Variants in STAB1 observed in about 807,000 individuals in gnomAD.
STAB1 encodes the protein stabilin-1.
STAB1 carries 250 observed loss-of-function variants against 332.4 expected under a neutral mutation model. The observed-to-expected ratio is 0.75, with a 90% confidence interval of 0.68 to 0.84. The LOEUF (loss-of-function observed/expected upper bound fraction) is 0.84. Ranked by LOEUF, STAB1 falls within the 40% of genes least tolerant of loss-of-function variation. The probability of loss-of-function intolerance (pLI) is 0.00; values close to 1 mark genes in which losing one functional copy is unlikely to be tolerated. For synonymous variants in STAB1, 1,475 were observed against 1,390.4 expected (o/e 1.06, Z -1.35); for missense variants, 3,249 against 3,489.7 (o/e 0.93, Z 1.74).
chr3:52,521,942 G>T lies in STAB1; in HGVS notation c.6262G>T (p.Val2088Leu). 1.2e-6 allele frequency: 2 copies of T among 1,608,404 alleles called. No individual in the cohort carries two copies. Among genetic ancestry groups the T allele is most frequent in the Non-Finnish European group, 8.5e-7 (1 of 1,176,378 alleles). Residue 2088 changes from valine to leucine, a missense_variant, in exon 58 of 69, where the codon GTG becomes TTG. Coordinates refer to ENST00000321725, the MANE Select transcript of STAB1 (RefSeq NM_015136.3). ...CSLGYEGDGR[V>L]CTVADLCQDG... ...CCTGGGCTATGAAGGGGATGGCCGT[G>T]TGTGTACAGGTAAGCAGATGGGCGG...
At chr3:52,505,542 C>T in intron 14 of STAB1, 126 bp from the exon 15 acceptor site, 1 of 1,179,526 alleles carries the variant, frequency 8.5e-7, no homozygotes, top group Non-Finnish European at 1.2e-6. Context: ...TAGCATGGAC[C>T]CATTGCCCAT....
At chr3:52,508,224 G>A (rs1396978128) in intron 20 of STAB1, 49 bp from the exon 21 acceptor site, 3 of 1,554,944 alleles carry the variant, frequency 1.9e-6, no homozygotes, top group South Asian at 2.3e-5. Context: ...GCCTGGGCAG[G>A]GAGGGCATGG....
At chr3:52,505,415 G>A in intron 14 of STAB1, 34 bp downstream of exon 14, 1 of 1,592,978 alleles carries the variant, frequency 6.3e-7, no homozygotes, top group Non-Finnish European at 8.6e-7. Flanking sequence ...GCCCATGTGG[G>A]CTTCTGGGCT....
intron 25 of STAB1, among the ~76,000 whole-genome samples, chr3:52,511,282 G>A (rs1413522960): frequency 6.6e-6 from 1 of 152,208 alleles, no homozygotes; most frequent in Non-Finnish European, 1.5e-5. Flanking sequence ...AGGGTGGCAG[G>A]GGTGGAGGTG....
intron 25 of STAB1, 35 bp from the exon 26 acceptor site, chr3:52,511,615 C>G: frequency 1.3e-6 from 2 of 1,574,756 alleles, no homozygotes; most frequent in Non-Finnish European, 8.7e-7. Context: ...GGATGCTCAT[C>G]ATGAGACAAG....
At chr3:52,516,282 G>A (rs1464109750) in intron 38 of STAB1, 44 bp downstream of exon 38, 11 of 1,607,352 alleles carry the variant, frequency 6.8e-6, no homozygotes, top group East Asian at 6.7e-5. Flanking sequence ...TGGCAGCAGA[G>A]AGCAGCCTGG....
chr3:52,513,742 T>G lies in STAB1; in HGVS notation c.3296T>G (p.Val1099Gly). ...AGGGTCTGGGTGCAGAATGCCAGCG[T>G]GGATGTGGCTGACCTCCTTGCCACC... Reference protein sequence around the residue: ...SGRVWVQNASVDVADLLATNG... With the variant: ...SGRVWVQNASGDVADLLATNG... Residue 1099 changes from valine to glycine, a missense_variant, in exon 31 of 69, where the codon GTG (valine) becomes GGG (glycine). Physicochemically the swap from Val to Gly is moderately radical, Grantham distance 109. Coordinates refer to ENST00000321725, the MANE Select transcript of STAB1 (RefSeq NM_015136.3). 6.2e-7 allele frequency: 1 copy of G among 1,613,446 alleles called. No individual in the cohort carries two copies. The highest frequency in any genetic ancestry group is 8.5e-7 in the Non-Finnish European group (1 of 1,179,996).
In STAB1 at chr3:52,524,093, C is replaced by G; in HGVS notation, c.7543-7C>G. ...CGCCTCGCCACTCACCCCTCTGCTGCTCCCAGGCGGAAGATGATGCTGATG... is the reference window on the plus strand; with the variant it reads ...CGCCTCGCCACTCACCCCTCTGCTGGTCCCAGGCGGAAGATGATGCTGATG... On this transcript the variant is annotated splice_region_variant and splice_polypyrimidine_tract_variant and intron_variant, in intron 67 of 68. Transcript: ENST00000321725. 6.2e-7 allele frequency: 1 copy of G among 1,613,368 alleles called. No homozygotes were observed. Among genetic ancestry groups the G allele is most frequent in the Non-Finnish European group, 8.5e-7 (1 of 1,180,022 alleles).
At chr3:52,518,236 G>A in intron 45 of STAB1, 76 bp from the exon 46 acceptor site, 1 of 1,597,874 alleles carries the variant, frequency 6.3e-7, no homozygotes, top group Non-Finnish European at 8.6e-7. Context: ...CTAGACCTTG[G>A]GCCGCAGGTG....
chr3:52,511,625 G>A (rs756674204), intron 25 of STAB1, 25 bp from the exon 26 acceptor site: 2 of 1,591,870 alleles, frequency 1.3e-6, no homozygotes, highest in South Asian at 1.1e-5. Context: ...CATGAGACAA[G>A]GCCGTCTGTT....
At chr3:52,507,820 A>G (rs535703705) in intron 19 of STAB1, 111 bp from the exon 20 acceptor site, 2 of 1,447,976 alleles carry the variant, frequency 1.4e-6, no homozygotes, top group Non-Finnish European at 1.9e-6. Context: ...CCACTGGACC[A>G]GGGTTAGAGT....
chr3:52,516,930 C>A, intron 41 of STAB1, 54 bp from the exon 42 acceptor site: 2 of 1,607,014 alleles, frequency 1.2e-6, no homozygotes, highest in Non-Finnish European at 1.7e-6. Context: ...CCTCTCCTGT[C>A]CTGCCTCCGG....
chr3:52,500,828 T>C (rs1708392460), intron 1 of STAB1, among the ~76,000 whole-genome samples: 1 of 152,200 alleles, frequency 6.6e-6, no homozygotes, highest in Admixed American at 6.5e-5. Context: ...TGAAATGGGC[T>C]TGGGGGAGCA....
Position 52,522,619 on chromosome 3 carries a change from G to C in STAB1, c.6675G>C (p.Glu2225Asp), listed in dbSNP as rs2079112458. Residue 2225 changes from glutamate to aspartate, a missense_variant, in exon 61 of 69, where the codon GAG becomes GAC. By Grantham distance (45) the Glu-to-Asp change is conservative (BLOSUM62 2). Coordinates refer to ENST00000321725, the MANE Select transcript of STAB1 (RefSeq NM_015136.3). ...TSGPYGLNFS[E>D]AEAACEAQGA... Reference sequence around the variant, plus strand: ...GCCCTTATGGTCTGAACTTTTCGGAGGCTGAGGCGGCATGCGAAGCACAGG... The same window carrying C: ...GCCCTTATGGTCTGAACTTTTCGGACGCTGAGGCGGCATGCGAAGCACAGG... 1.9e-6 allele frequency: 3 copies of C among 1,612,988 alleles called. No individual in the cohort carries two copies. Among genetic ancestry groups the C allele is most frequent in the Non-Finnish European group, 2.5e-6 (3 of 1,180,036 alleles).
At chr3:52,518,386 A>G (rs1347801515) in intron 46 of STAB1, 27 bp downstream of exon 46, 1 of 1,608,920 alleles carries the variant, frequency 6.2e-7, no homozygotes, top group Admixed American at 1.7e-5. Context: ...GGCCTCTGTG[A>G]CCTGCAAGTC....
Position 52,523,456 on chromosome 3 carries a change from T to C in STAB1, c.7170T>C (p.His2390=), listed in dbSNP as rs371565432. 3 of 1,609,920 alleles carry C rather than the reference T, an allele frequency of 1.9e-6. No homozygotes were observed. Among genetic ancestry groups the C allele is most frequent in the Non-Finnish European group, 2.5e-6 (3 of 1,177,788 alleles). ...MTLSGPDLEL[H]ASNATLLSAN... ...TGAGTGGCCCAGACTTGGAGCTGCA[T>C]GCCTCCAACGCCACCCTCCTAAGTG... Residue 2390 remains histidine (H), a synonymous_variant, in exon 65 of 69, where the codon CAT becomes CAC. Coordinates refer to ENST00000321725, the MANE Select transcript of STAB1 (RefSeq NM_015136.3).
rs181884872 is a variant in STAB1 at position 52,506,957 on chromosome 3, C to T, written c.1989+107C>T. The T allele has an allele frequency of 6.1e-5, 90 of 1,479,490 alleles. 1 individual carries two copies. Among genetic ancestry groups the T allele is most frequent in the African/African-American group, 4.3e-4 (31 of 71,738 alleles). 91.6% of individuals were successfully genotyped at this position (1,479,490 alleles called of 1,614,324 possible). On this transcript the variant is annotated intron_variant, in intron 18 of 68. Coordinates refer to ENST00000321725, the MANE Select transcript of STAB1 (RefSeq NM_015136.3). The stretch of plus-strand genomic sequence containing the variant: ...CGCTAAGTCAGGGCTGGGCTGACGC[C>T]GGCTCTGAGGCCCTGCTGGCAGACT...
chr3:52,509,613 A>AGTATG, intron 22 of STAB1: 2 of 595,332 alleles, frequency 3.4e-6, no homozygotes, highest in Non-Finnish European at 5.9e-6. Flanking sequence ...TGCGGGACTT[A>AGTATG]GGTCAGACAC....
At chr3:52,501,578 G>A in intron 2 of STAB1, 60 bp from the exon 3 acceptor site, 1 of 1,461,744 alleles carries the variant, frequency 6.8e-7, no homozygotes, top group Non-Finnish European at 9.3e-7. Flanking sequence ...ATGTGGGGAG[G>A]CTGGGTGGGG....
Sources: allele counts gnomAD v4.1 joint callset (sites outside exome capture counted in the v4.1 genomes callset), GRCh38; gene constraint gnomAD v4.1.1; transcripts MANE v1.5; gene names NCBI Gene and HGNC (gene_info 2026-07-23, HGNC 2026-07-21).